Variants in DTNA observed in about 807,000 individuals in gnomAD.
The protein encoded by DTNA is dystrophin-related protein 3.
Under a neutral mutation model 100.7 loss-of-function variants are expected in DTNA, and 43 were observed. That is an observed-to-expected ratio of 0.43 (90% confidence interval 0.33 to 0.55). The LOEUF (loss-of-function observed/expected upper bound fraction) is 0.55. Ranked by LOEUF, DTNA falls within the 20% of genes least tolerant of loss-of-function variation. The pLI, the probability that DTNA is intolerant of heterozygous loss-of-function variation, is 0.04. For missense variants in DTNA, 798 were observed against 953.9 expected (o/e 0.84, Z 2.15); for synonymous variants, 349 against 347.9 (o/e 1.00, Z -0.04).
intron 9 of DTNA, among the ~76,000 whole-genome samples, chr18:34,825,662 G>A (rs996392856): frequency 2.6e-5 from 4 of 152,132 alleles, no homozygotes; most frequent in African/African-American, 7.2e-5. Context: ...CATTTCAGTG[G>A]TAGACCTTAA....
chr18:34,726,839 A>T (rs2086813531), intron 1 of DTNA, among the ~76,000 whole-genome samples: 2 of 152,154 alleles, frequency 1.3e-5, no homozygotes. Context: ...TCACAGCTCC[A>T]CTAGGTAGTG....
chr18:34,706,377 A>C (rs1222079372), upstream of DTNA, among the ~76,000 whole-genome samples: 1 of 152,238 alleles, frequency 6.6e-6, no homozygotes, highest in African/African-American at 2.4e-5. Flanking sequence ...TACAATGGAC[A>C]TGTAACATTA....
intron 1 of DTNA, among the ~76,000 whole-genome samples, chr18:34,720,117 A>G (rs1600778813): frequency 6.6e-6 from 1 of 152,200 alleles, no homozygotes; most frequent in Non-Finnish European, 1.5e-5. Context: ...GAGGCTGGCC[A>G]AGGCATAGTC....
chr18:34,799,596 CT>C (rs2095127493), intron 4 of DTNA, among the ~76,000 whole-genome samples: 1 of 152,248 alleles, frequency 6.6e-6, no homozygotes, highest in African/African-American at 2.4e-5. Flanking sequence ...GGCGTGGTGA[CT>C]TTTTTCTTTG....
chr18:34,867,622 G>A, intron 17 of DTNA: 1 of 1,001,454 alleles, frequency 1.0e-6, no homozygotes, highest in Non-Finnish European at 1.2e-6. Flanking sequence ...CCTCCTCCTA[G>A]CAGAGAGAGA....
intron 1 of DTNA, among the ~76,000 whole-genome samples, chr18:34,634,659 T>G (rs1345934534): frequency 6.6e-6 from 1 of 152,134 alleles, no homozygotes; most frequent in African/African-American, 2.4e-5. Flanking sequence ...GGATATTCTT[T>G]TATATAGCAC....
intron 3 of DTNA, among the ~76,000 whole-genome samples, chr18:34,773,378 A>G (rs1367014840): frequency 6.6e-6 from 1 of 152,226 alleles, no homozygotes; most frequent in African/African-American, 2.4e-5. Flanking sequence ...AGTCGGAAAC[A>G]CAGGCAAGAG....
chr18:34,659,086 G>A (rs190574691), intron 1 of DTNA, among the ~76,000 whole-genome samples: 4 of 129,070 alleles, frequency 3.1e-5, no homozygotes, highest in East Asian at 3.9e-4. Context: ...TTTACTGTAC[G>A]TGTGTGTGTG....
At chr18:34,877,928 G>A in intron 19 of DTNA, 120 bp downstream of exon 19, 1 of 956,682 alleles carries the variant, frequency 1.0e-6, no homozygotes, top group Non-Finnish European at 1.6e-6. Flanking sequence ...AGCTCTATGT[G>A]ATATTTTGTT....
At chr18:34,860,583 C>T (rs1408494633) in intron 16 of DTNA, among the ~76,000 whole-genome samples, 1 of 152,126 alleles carries the variant, frequency 6.6e-6, no homozygotes. Context: ...TGGATGTTTC[C>T]GGAGGCTCTA....
rs529072453 is a variant in DTNA, at chr18:34,651,152, A to G, written c.-1-104824A>G. Among the ~76,000 whole-genome samples, 321 of 152,296 alleles carry G rather than the reference A, an allele frequency of 2.1e-3. 2 individuals carry two copies. Among genetic ancestry groups the G allele is most frequent in the African/African-American group, 7.4e-3 (306 of 41,570 alleles). On this transcript the variant is annotated intron_variant, in intron 1 of 19. Transcript: ENST00000283365. ...CCTATTCTCCTTAGACACTTCATAT[A>G]TATCTTGTGAGCTGTGGCAACTAGA...
chr18:34,523,599 C>T (rs561564316), intron 1 of DTNA, among the ~76,000 whole-genome samples: 4 of 152,118 alleles, frequency 2.6e-5, no homozygotes, highest in Admixed American at 1.3e-4. Context: ...TTTCACCTTG[C>T]ACTTCCCACA....
intron 8 of DTNA, among the ~76,000 whole-genome samples, chr18:34,819,408 C>T (rs1391930734): frequency 6.6e-6 from 1 of 152,158 alleles, no homozygotes; most frequent in Admixed American, 6.5e-5. Context: ...AATGCAACTC[C>T]TCACTGTTGT....
chr18:34,601,198 G>C (rs1330382943), intron 1 of DTNA, among the ~76,000 whole-genome samples: 1 of 152,228 alleles, frequency 6.6e-6, no homozygotes, highest in Non-Finnish European at 1.5e-5. Context: ...AGAGTGTCCA[G>C]AGTAGCAGCT....
intron 1 of DTNA, among the ~76,000 whole-genome samples, chr18:34,584,062 C>G (rs1165822309): frequency 6.6e-6 from 1 of 152,170 alleles, no homozygotes; most frequent in Non-Finnish European, 1.5e-5. Context: ...GGTGGCTCAG[C>G]TCCCAGGACA....
chr18:34,750,172 C>T (rs1043233124), intron 1 of DTNA, among the ~76,000 whole-genome samples: 1 of 152,168 alleles, frequency 6.6e-6, no homozygotes, highest in African/African-American at 2.4e-5. Context: ...TGGAGCAAAA[C>T]AAAGCAGAGC....
intron 6 of DTNA, 81 bp downstream of exon 6, chr18:34,812,194 T>TA (rs1353000969): frequency 6.3e-7 from 1 of 1,588,362 alleles, no homozygotes; most frequent in African/African-American, 1.3e-5. Context: ...AGGTCACAGA[T>TA]ACTCAGACAA....
chr18:34,784,541 T>A (rs2094445079), intron 3 of DTNA, among the ~76,000 whole-genome samples: 1 of 152,216 alleles, frequency 6.6e-6, no homozygotes, highest in Non-Finnish European at 1.5e-5. Context: ...CTTCCAAATC[T>A]TTACATAGTT....
intron 1 of DTNA, among the ~76,000 whole-genome samples, chr18:34,754,052 T>A (rs539793932): frequency 1.3e-5 from 2 of 152,264 alleles, no homozygotes; most frequent in South Asian, 4.1e-4. Flanking sequence ...TTTAGGATAG[T>A]CCCTGGTATA....
Sources: allele counts gnomAD v4.1 joint callset (sites outside exome capture counted in the v4.1 genomes callset), GRCh38; gene constraint gnomAD v4.1.1; transcripts MANE v1.5; gene names NCBI Gene and HGNC (gene_info 2026-07-23, HGNC 2026-07-21).